CNTNAP2: variants seen among roughly 807,000 people sequenced by gnomAD.
The protein encoded by CNTNAP2 is contactin-associated protein-like 2.
CNTNAP2 carries 98 observed loss-of-function variants against 155.2 expected under a neutral mutation model. The ratio of observed to expected loss-of-function variants is 0.63; its 90% CI spans 0.54 to 0.75. The LOEUF is 0.75. CNTNAP2 is among the 30% of genes least tolerant of loss of function. The pLI is 0.00. For missense variants in CNTNAP2, 1,727 were observed against 1,688.1 expected (o/e 1.02, Z -0.40); for synonymous variants, 651 against 631.2 (o/e 1.03, Z -0.47).
intron 1 of CNTNAP2, among the ~76,000 whole-genome samples, chr7:146,676,736 A>G (rs935206680): frequency 6.6e-6 from 1 of 152,198 alleles, no homozygotes; most frequent in African/African-American, 2.4e-5. Context: ...GGCAGGCAAG[A>G]GAGAATGAGA....
At chr7:146,587,004 A>T (rs1391627234) in intron 1 of CNTNAP2, among the ~76,000 whole-genome samples, 3 of 151,662 alleles carry the variant, frequency 2.0e-5, no homozygotes, top group African/African-American at 7.3e-5. Context: ...ATTAAATATT[A>T]TGGTACCACC....
intron 13 of CNTNAP2, among the ~76,000 whole-genome samples, chr7:147,705,501 T>C (rs1796296412): frequency 6.6e-6 from 1 of 152,172 alleles, no homozygotes; most frequent in South Asian, 2.1e-4. Context: ...TTCCATGTAC[T>C]GATGGGAAGA....
chr7:146,220,284 A>G (rs1331116038), intron 1 of CNTNAP2, among the ~76,000 whole-genome samples: 1 of 42,810 alleles, frequency 2.3e-5, no homozygotes, highest in Non-Finnish European at 4.7e-5. Flanking sequence ...TGGGGAATGC[A>G]TGCTAAAAAA....
At chr7:146,296,958 CTGTGTGTG>C (rs141424842) in intron 1 of CNTNAP2, among the ~76,000 whole-genome samples, 1 of 149,286 alleles carries the variant, frequency 6.7e-6, no homozygotes. Context: ...CAGGTATTAT[CTGTGTGTG>C]TGTGTGTGTG....
At chr7:148,350,629 C>T (rs759093644) in intron 21 of CNTNAP2, among the ~76,000 whole-genome samples, 4 of 152,328 alleles carry the variant, frequency 2.6e-5, no homozygotes, top group South Asian at 4.1e-4. Flanking sequence ...ATGTTCAGAA[C>T]CAACCTTTCG....
At chr7:146,136,389 G>A (rs1423725318) in intron 1 of CNTNAP2, among the ~76,000 whole-genome samples, 2 of 152,052 alleles carry the variant, frequency 1.3e-5, no homozygotes, top group African/African-American at 4.8e-5. Flanking sequence ...GACTCACAAG[G>A]GACCTCAAAA....
At chr7:146,583,156 G>T (rs1452280247) in intron 1 of CNTNAP2, among the ~76,000 whole-genome samples, 1 of 152,146 alleles carries the variant, frequency 6.6e-6, no homozygotes, top group East Asian at 1.9e-4. Flanking sequence ...AGAAAGAAAA[G>T]AAAACTTAGA....
intron 3 of CNTNAP2, among the ~76,000 whole-genome samples, chr7:146,993,149 T>C (rs557982158): frequency 1.3e-5 from 2 of 152,246 alleles, no homozygotes; most frequent in East Asian, 3.9e-4. Context: ...TAAAATACAC[T>C]TGGAAGAAGG....
At chr7:147,207,996 C>G (rs1187059133) in intron 8 of CNTNAP2, among the ~76,000 whole-genome samples, 1 of 152,114 alleles carries the variant, frequency 6.6e-6, no homozygotes, top group African/African-American at 2.4e-5. Context: ...ATGTAATTAT[C>G]AAGATGGACA....
chr7:147,739,296 G>T (rs1005176686), intron 13 of CNTNAP2, among the ~76,000 whole-genome samples: 1 of 152,090 alleles, frequency 6.6e-6, no homozygotes, highest in African/African-American at 2.4e-5. Context: ...GTGTGTTTGT[G>T]TGTGTTCACT....
intron 15 of CNTNAP2, among the ~76,000 whole-genome samples, chr7:147,978,358 G>A (rs144312195): frequency 1.2e-3 from 188 of 152,196 alleles, no homozygotes; most frequent in African/African-American, 3.9e-3. Flanking sequence ...ACCATAAACC[G>A]AGTTTATGGT....
At chr7:147,595,742 C>T (rs953983011) in intron 12 of CNTNAP2, among the ~76,000 whole-genome samples, 1 of 152,176 alleles carries the variant, frequency 6.6e-6, no homozygotes, top group East Asian at 1.9e-4. Flanking sequence ...TACCTTGCCA[C>T]CTGTCCTGAG....
At position 147,139,433 on chromosome 7, in the gene CNTNAP2, A is replaced by G. The variant is rs544008915; in HGVS notation, c.1348+6924A>G. 2.0e-5 allele frequency among the ~76,000 whole-genome samples: 3 copies of G among 152,246 alleles called. No homozygotes were observed. The East Asian group carries it at 5.8e-4, about 29-fold the overall frequency. ...TAAATAGTGTTGGCATGAAACAATC[A>G]GGGATGATGTACCTTCATAATCAGA... On this transcript the variant is annotated intron_variant, in intron 8 of 23. Coordinates refer to ENST00000361727, the MANE Select transcript of CNTNAP2 (RefSeq NM_014141.6).
At chr7:147,270,281 T>C (rs1028193465) in intron 8 of CNTNAP2, among the ~76,000 whole-genome samples, 2 of 152,164 alleles carry the variant, frequency 1.3e-5, no homozygotes, top group Non-Finnish European at 2.9e-5. Context: ...TGAGCTTCCA[T>C]TGTGAAATAC....
intron 13 of CNTNAP2, among the ~76,000 whole-genome samples, chr7:147,678,298 G>A (rs976265056): frequency 1.3e-5 from 2 of 151,772 alleles, no homozygotes; most frequent in African/African-American, 2.4e-5. Flanking sequence ...TTTTGAAGAG[G>A]CATCTTCTCC....
chr7:147,191,706 G>C (rs1802683434), intron 8 of CNTNAP2, among the ~76,000 whole-genome samples: 2 of 152,066 alleles, frequency 1.3e-5, no homozygotes, highest in South Asian at 4.1e-4. Flanking sequence ...ATTTCTTCTT[G>C]AGTTTGTTTT....
intron 21 of CNTNAP2, among the ~76,000 whole-genome samples, chr7:148,309,483 CT>C (rs1797553558): frequency 6.6e-6 from 1 of 152,166 alleles, no homozygotes; most frequent in South Asian, 2.1e-4. Context: ...TTTATTTCAC[CT>C]GGGTGCAGGC....
At chr7:146,794,396 A>G (rs1802730927) in intron 2 of CNTNAP2, among the ~76,000 whole-genome samples, 1 of 152,220 alleles carries the variant, frequency 6.6e-6, no homozygotes, top group Non-Finnish European at 1.5e-5. Flanking sequence ...GACATTATTT[A>G]ATAATTACAA....
intron 3 of CNTNAP2, among the ~76,000 whole-genome samples, chr7:146,854,910 G>A (rs191482269): frequency 1.7e-4 from 26 of 152,086 alleles, no homozygotes; most frequent in Admixed American, 1.2e-3. Context: ...CAGGATGAAT[G>A]CCTAAATTTA....
Sources: gnomAD v4.1 joint callset for allele counts (sites outside exome capture counted in the v4.1 genomes callset) on GRCh38, gnomAD v4.1.1 for gene constraint, MANE v1.5 for transcripts, NCBI Gene and HGNC (gene_info 2026-07-23, HGNC 2026-07-21) for gene names.